Variants in ANHX observed in about 807,000 individuals in gnomAD.
ANHX encodes anomalous homeobox protein.
A neutral mutation model predicts 38.9 loss-of-function variants in ANHX; 20 were observed. That is an observed-to-expected ratio of 0.51 (90% CI 0.36 to 0.75). The LOEUF (loss-of-function observed/expected upper bound fraction) is 0.75, where lower values mean the gene tolerates loss of function less well. ANHX is among the 30% of genes least tolerant of loss of function. The pLI, the probability that ANHX is intolerant of heterozygous loss-of-function variation, is 0.00. For synonymous variants in ANHX, 185 were observed against 203.1 expected (o/e 0.91, Z 0.76); for missense variants, 475 against 493.1 (o/e 0.96, Z 0.35).
chr12:133,219,959 G>A (rs1957086629), intron 8 of ANHX, among the ~76,000 whole-genome samples: 1 of 152,154 alleles, frequency 6.6e-6, no homozygotes, highest in East Asian at 1.9e-4. Context: ...GACTCTCAAA[G>A]TCGTCATGCA....
At chr12:133,229,408 C>A (rs1333454584) in intron 3 of ANHX, among the ~76,000 whole-genome samples, 1 of 152,088 alleles carries the variant, frequency 6.6e-6, no homozygotes, top group Admixed American at 6.5e-5. Context: ...GAACTCCATC[C>A]CCCCTCTCCA....
At chr12:133,225,293 C>T (rs934793223) in intron 7 of ANHX, among the ~76,000 whole-genome samples, 5 of 151,496 alleles carry the variant, frequency 3.3e-5, no homozygotes, top group Admixed American at 1.3e-4. Context: ...TCAACTCTTC[C>T]TCTTCAGTGA....
chr12:133,226,481 G>T, intron 5 of ANHX, 43 bp from the exon 6 acceptor site: 1 of 1,506,222 alleles, frequency 6.6e-7, no homozygotes, highest in South Asian at 1.2e-5. Flanking sequence ...TGAGGCTCTG[G>T]TTCCCAACCT....
At chr12:133,223,445 CT>C (rs899014720) in intron 7 of ANHX, among the ~76,000 whole-genome samples, 4,318 of 130,174 alleles carry the variant, frequency 0.033, 58 homozygotes, top group Non-Finnish European at 0.046. Context: ...AGACTTTATT[CT>C]TTTTTTTTTT....
At chr12:133,220,618 A>G (rs36172736) in intron 8 of ANHX, among the ~76,000 whole-genome samples, 10 of 152,066 alleles carry the variant, frequency 6.6e-5, no homozygotes, top group Non-Finnish European at 1.3e-4. Flanking sequence ...CTGCTCCTGG[A>G]GGCCCTAGTG....
rs1437670815 is a variant in ANHX at position 133,227,832 on chromosome 12, C to G, written c.493G>C (p.Ala165Pro). The change falls in exon 4 of 10, where the codon GCT (alanine) becomes CCT (proline). Residue 165 changes from alanine (A) to proline (P), a missense_variant. Physicochemically the swap from Ala to Pro is conservative, Grantham distance 27. Coordinates refer to ENST00000545940, the MANE Select transcript of ANHX (RefSeq NM_001372060.1). Reference protein sequence around the residue: ...AVGVNTNPSKAERENLALETS... With the variant: ...AVGVNTNPSKPERENLALETS... Reference sequence around the variant, plus strand: ...GTATCTTCTATTCTTACCCTCTCAGCCTTGCTGGGGTTGGTGTTCACCCCC... The same window carrying G: ...GTATCTTCTATTCTTACCCTCTCAGGCTTGCTGGGGTTGGTGTTCACCCCC... The G allele has an allele frequency of 7.2e-6, 11 of 1,535,240 alleles. No homozygotes were observed. Among genetic ancestry groups the G allele is most frequent in the African/African-American group, 1.4e-5 (1 of 72,930 alleles).
chr12:133,227,250 G>A (rs1957202630), intron 4 of ANHX, 98 bp from the exon 5 acceptor site: 9 of 1,322,322 alleles, frequency 6.8e-6, no homozygotes, highest in Admixed American at 2.4e-5. Flanking sequence ...CCAAGAAAGG[G>A]GGTGACAGCC....
chr12:133,222,068 G>A (rs1957115148), intron 7 of ANHX, among the ~76,000 whole-genome samples: 1 of 152,104 alleles, frequency 6.6e-6, no homozygotes, highest in East Asian at 1.9e-4. Context: ...CACCTAACCT[G>A]GTGCCCAGCT....
At chr12:133,222,201 G>C (rs542355298) in intron 7 of ANHX, among the ~76,000 whole-genome samples, 29 of 152,322 alleles carry the variant, frequency 1.9e-4, no homozygotes, top group African/African-American at 7.0e-4. Flanking sequence ...GCACTAGTTT[G>C]GACATTCTAG....
rs567284513 is a variant in ANHX at position 133,224,945 on chromosome 12, T to A, written c.1132+591A>T. 9.3e-4 allele frequency among the ~76,000 whole-genome samples: 127 copies of A among 136,696 alleles called. 2 individuals are homozygous for A. Among genetic ancestry groups the A allele is most frequent in the Non-Finnish European group, 6.2e-4 (41 of 65,766 alleles). 89.7% of individuals were successfully genotyped at this position (136,696 alleles called of 152,430 possible). A position where few individuals can be genotyped will look rare whatever the true frequency, so the allele number is the denominator to read the frequency against. ...TCACGCCACTGCACTCCAGCCTGGGTGAGCAAGACTCCGTCTCAAAAAAAA... is the reference window on the plus strand; with the variant it reads ...TCACGCCACTGCACTCCAGCCTGGGAGAGCAAGACTCCGTCTCAAAAAAAA... On this transcript the variant is annotated intron_variant, in intron 7 of 9. Transcript: ENST00000545940.
Position 133,221,243 on chromosome 12 carries a change from C to T in ANHX, c.1242G>A (p.Gln414=). Residue 414 remains glutamine (Q), a synonymous_variant, in exon 8 of 10, where the codon CAG becomes CAA. Coordinates refer to ENST00000545940, the MANE Select transcript of ANHX (RefSeq NM_001372060.1). This position sits in a 1 kb window ranked among gnomAD's most constrained non-coding sequence, Gnocchi z 4.1. ...ELRVGSFLVT[Q]PPLQAPEFIL... is the part of the protein sequence containing the mutation. ...TGAATTCAGGAGCTTGCAGTGGGGG[C>T]TGTGTCACCAGGAAGCTGCCCACCC... The T allele has an allele frequency of 2.0e-6, 3 of 1,536,070 alleles. No individual in the cohort carries two copies. The highest frequency in any genetic ancestry group is 2.6e-6 in the Non-Finnish European group (3 of 1,146,894).
rs144454089 is a variant in ANHX, at chr12:133,219,299, G to A, written c.1349C>T (p.Ala450Val). 0.41 allele frequency: 628,099 copies of A among 1,534,108 alleles called. 134,638 individuals are homozygous for A. The highest frequency in any genetic ancestry group is 0.79 in the East Asian group (32,376 of 40,890). ...GPVSAMELSQ[A>V]LPSSQVQCSD... ...AAGCCTCACCTGGCTGGAGGGCAGGGCCTGGCTCAGCTCCATGGCAGACAC... is the reference window on the plus strand; with the variant it reads ...AAGCCTCACCTGGCTGGAGGGCAGGACCTGGCTCAGCTCCATGGCAGACAC... Residue 450 changes from alanine to valine, a missense_variant, in exon 9 of 10, where the codon GCC (alanine) becomes GTC (valine). Ala to Val is a moderately conservative substitution (Grantham distance 64, BLOSUM62 0). Transcript: ENST00000545940.
intron 5 of ANHX, 31 bp from the exon 6 acceptor site, chr12:133,226,469 A>G (rs1363786363): frequency 1.8e-5 from 27 of 1,516,798 alleles, no homozygotes; most frequent in Non-Finnish European, 2.3e-5. Flanking sequence ...GGGGAGACTT[A>G]GTGAGGCTCT....
intron 8 of ANHX, among the ~76,000 whole-genome samples, chr12:133,219,771 A>T (rs1256635707): frequency 5.3e-5 from 8 of 152,218 alleles, no homozygotes; most frequent in Admixed American, 1.3e-4. Flanking sequence ...GGCATGCACC[A>T]TGAGAAATGA....
In ANHX at chr12:133,221,723, G is replaced by A. The variant is rs370278951; in HGVS notation, c.1133-371C>T. ...CAGTCTCCTCTTGTGGCTGGTTCAC[G>A]GAGTGCTTGGCCACCAGCCCTTGGT... On this transcript the variant is annotated intron_variant, in intron 7 of 9. Transcript: ENST00000545940. The surrounding 1 kb of genome is among the most constrained non-coding windows in gnomAD (Gnocchi z 4.1). Among the ~76,000 whole-genome samples, 5 of 152,158 alleles carry A rather than the reference G, an allele frequency of 3.3e-5. No homozygotes were observed. Among genetic ancestry groups the A allele is most frequent in the South Asian group, 4.1e-4 (2 of 4,832 alleles).
intron 3 of ANHX, among the ~76,000 whole-genome samples, chr12:133,229,137 C>G (rs970976813): frequency 6.6e-6 from 1 of 152,194 alleles, no homozygotes; most frequent in Non-Finnish European, 1.5e-5. Context: ...CCCCTGAACA[C>G]AGAGGACCCC....
rs960822689 is a variant in ANHX at position 133,221,985 on chromosome 12, T to C, written c.1133-633A>G. Among the ~76,000 whole-genome samples, 1 of 152,178 alleles carries C rather than the reference T, an allele frequency of 6.6e-6. No homozygotes were observed. The highest frequency in any genetic ancestry group is 6.6e-5 in the Admixed American group (1 of 15,266). On this transcript the variant is annotated intron_variant, in intron 7 of 9. Transcript: ENST00000545940. This position sits in a 1 kb window ranked among gnomAD's most constrained non-coding sequence, Gnocchi z 4.1. ...TGTAAAACAAGCATTAAGATGGCCC[T>C]GATCTCAAGACATGGAACAAGCGGC...
rs1018296892 is a variant in ANHX at position 133,234,367 on chromosome 12, G to C, written c.-11C>G. 6.5e-7 allele frequency: 1 copy of C among 1,528,632 alleles called. No homozygotes were observed. The highest frequency in any genetic ancestry group is 1.4e-5 in the African/African-American group (1 of 73,032). The allele number at this position is 1,528,632 out of a possible 1,614,324, so 94.7% of individuals were successfully genotyped here. On this transcript the variant is annotated 5_prime_UTR_variant, in exon 2 of 10. Coordinates refer to ENST00000545940, the MANE Select transcript of ANHX (RefSeq NM_001372060.1). ...CAGGAAGCTCTGCATCCTGTGCTGG[G>C]TCGTGGCCACTCTGCCAACACAAAC... is the stretch of plus-strand genomic sequence containing the variant.
At position 133,221,873 on chromosome 12, in the gene ANHX, A is replaced by G. The variant is rs138682355; in HGVS notation, c.1133-521T>C. ...AACATCTCTCACTCTTAGACAAGCTACTGTGGTTTTGGTCAATTCTGGGTG... is the reference window on the plus strand; with the variant it reads ...AACATCTCTCACTCTTAGACAAGCTGCTGTGGTTTTGGTCAATTCTGGGTG... On this transcript the variant is annotated intron_variant, in intron 7 of 9. Transcript: ENST00000545940. The surrounding 1 kb of genome is among the most constrained non-coding windows in gnomAD (Gnocchi z 4.1). 4.6e-5 allele frequency among the ~76,000 whole-genome samples: 7 copies of G among 152,160 alleles called. No individual in the cohort carries two copies. Among genetic ancestry groups the G allele is most frequent in the African/African-American group, 1.7e-4 (7 of 41,496 alleles).
Sources: gnomAD v4.1 joint callset for allele counts (sites outside exome capture counted in the v4.1 genomes callset) on GRCh38, gnomAD v4.1.1 for gene constraint, Gnocchi (gnomAD v3.1) non-coding constraint, MANE v1.5 for transcripts, NCBI Gene and HGNC (gene_info 2026-07-23, HGNC 2026-07-21) for gene names.